Variants in BMS1 observed in about 807,000 individuals in gnomAD.
BMS1 encodes the protein ribosome biogenesis protein BMS1 homolog.
A neutral mutation model predicts 138.7 loss-of-function variants in BMS1; 53 were observed. The observed-to-expected ratio is 0.38, with a 90% CI of 0.31 to 0.48. BMS1 has a LOEUF of 0.48. Ranked by LOEUF, BMS1 falls within the 20% of genes least tolerant of loss-of-function variation. The pLI is 0.97. For synonymous variants in BMS1, 504 were observed against 539.9 expected, an observed-to-expected ratio of 0.93 and a Z score of 0.92; for missense variants, 1,360 against 1,565.5, an observed-to-expected ratio of 0.87 and a Z score of 2.22.
At chr10:42,785,370 G>A in intron 2 of BMS1, 112 bp from the exon 3 acceptor site, 1 of 817,886 alleles carries the variant, frequency 1.2e-6, no homozygotes, top group Non-Finnish European at 1.9e-6. Context: ...ATGTGCTAAA[G>A]TACTCATAGC....
chr10:42,796,427 T>A (rs375310034), intron 9 of BMS1, 47 bp from the exon 10 acceptor site: 137 of 1,543,452 alleles, frequency 8.9e-5, no homozygotes, highest in Non-Finnish European at 1.2e-4. Flanking sequence ...CTAGATTAGC[T>A]GATTAATGTA....
Position 42,784,520 on chromosome 10 carries a change from C to G in BMS1, c.126C>G (p.Pro42=). 1 of 1,613,932 alleles carries G rather than the reference C, an allele frequency of 6.2e-7. No individual in the cohort carries two copies. The highest frequency in any genetic ancestry group is 8.5e-7 in the Non-Finnish European group (1 of 1,179,842). ...AAGAAGATGCCCGGAAGAGAAATCC[C>G]AAAGCTTTTGCAGTTCAGTCTGCTG... is the stretch of plus-strand genomic sequence containing the variant. The part of the protein sequence containing the change: ...GDEEDARKRN[P]KAFAVQSAVR... Residue 42 remains proline (P), a synonymous_variant, in exon 2 of 23, where the codon CCC becomes CCG. Coordinates refer to ENST00000374518, the MANE Select transcript of BMS1 (RefSeq NM_014753.4).
chr10:42,813,755 G>A (rs977933308), intron 13 of BMS1, among the ~76,000 whole-genome samples: 1 of 151,928 alleles, frequency 6.6e-6, no homozygotes, highest in African/African-American at 2.4e-5. Context: ...TTTGTATTGT[G>A]GAAATGACAG....
At chr10:42,785,082 C>T (rs560724660) in intron 2 of BMS1, among the ~76,000 whole-genome samples, 12 of 152,310 alleles carry the variant, frequency 7.9e-5, no homozygotes, top group African/African-American at 2.9e-4. Context: ...AATCATATAA[C>T]CAGTAAGTAG....
rs1432033909 is a variant in BMS1 at position 42,834,236 on chromosome 10, A to T, written c.*3140A>T. On this transcript the variant is annotated 3_prime_UTR_variant, in exon 23 of 23. Transcript: ENST00000374518. Reference sequence around the variant, plus strand: ...TGTTTGGTTTCCTATTTGTGGATGTACTAGATTGTTTTCTTTTTTTAACAA... The same window carrying T: ...TGTTTGGTTTCCTATTTGTGGATGTTCTAGATTGTTTTCTTTTTTTAACAA... The T allele has an allele frequency of 4.8e-5, 7 of 144,626 alleles. No homozygotes were observed. The highest frequency in any genetic ancestry group is 9.1e-5 in the Non-Finnish European group (6 of 66,102). 9.0% of individuals were successfully genotyped at this position (144,626 alleles called of 1,614,324 possible). A position where few individuals can be genotyped will look rare whatever the true frequency, so the allele number is the denominator to read the frequency against.
At chr10:42,802,990 T>C (rs1241361649) in intron 13 of BMS1, among the ~76,000 whole-genome samples, 1 of 152,118 alleles carries the variant, frequency 6.6e-6, no homozygotes, top group Non-Finnish European at 1.5e-5. Context: ...TTTTTATGGA[T>C]TGCAACTGCC....
At chr10:42,820,709 C>T in intron 17 of BMS1, 21 bp downstream of exon 17, 3 of 1,608,212 alleles carry the variant, frequency 1.9e-6, no homozygotes, top group Non-Finnish European at 2.5e-6. Flanking sequence ...ATTACAATAA[C>T]TTGCCTGTTG....
intron 13 of BMS1, among the ~76,000 whole-genome samples, chr10:42,804,414 T>C (rs574530527): frequency 2.6e-5 from 4 of 152,346 alleles, no homozygotes; most frequent in African/African-American, 9.6e-5. Flanking sequence ...ATAGTATCAG[T>C]CTTTTTAAAT....
chr10:42,826,191 A>G (rs183934713), intron 21 of BMS1, among the ~76,000 whole-genome samples: 4 of 151,584 alleles, frequency 2.6e-5, no homozygotes, highest in African/African-American at 9.7e-5. Flanking sequence ...GGATGTTTGC[A>G]TCAGTGCTTA....
intron 16 of BMS1, 36 bp from the exon 17 acceptor site, chr10:42,820,472 C>T (rs1435529523): frequency 6.2e-7 from 1 of 1,611,314 alleles, no homozygotes; most frequent in East Asian, 2.2e-5. Flanking sequence ...TGTGGATTTC[C>T]CCTCCATCAA....
intron 11 of BMS1, 130 bp from the exon 12 acceptor site, chr10:42,798,338 G>T: frequency 8.7e-7 from 1 of 1,146,532 alleles, no homozygotes; most frequent in South Asian, 1.5e-5. Flanking sequence ...TGTGGCCATT[G>T]CCATACCCAC....
chr10:42,787,026 CT>C (rs1226068868), intron 3 of BMS1, 141 bp from the exon 4 acceptor site: 1 of 665,342 alleles, frequency 1.5e-6, no homozygotes, highest in Admixed American at 2.4e-5. Flanking sequence ...CAGTTTTTGC[CT>C]GTAAAAATGA....
At position 42,796,959 on chromosome 10, in the gene BMS1, C is replaced by G; in HGVS notation, c.1715C>G (p.Ala572Gly). The G allele has an allele frequency of 6.2e-7, 1 of 1,614,206 alleles. No individual in the cohort carries two copies. Among genetic ancestry groups the G allele is most frequent in the Non-Finnish European group, 8.5e-7 (1 of 1,180,036 alleles). ...NLEKSLLMKK[A>G]ALPTFDSGHC... ...GAGAAGTCTTTGCTGATGAAGAAAG[C>G]AGCTCTCCCCACTTTCGATTCTGGG... The change falls in exon 10 of 23, where the codon GCA (alanine) becomes GGA (glycine). Residue 572 changes from alanine to glycine, a missense_variant. Ala to Gly is a moderately conservative substitution (Grantham distance 60). Transcript: ENST00000374518.
At chr10:42,792,750 G>A in intron 7 of BMS1, 136 bp downstream of exon 7, 3 of 1,404,728 alleles carry the variant, frequency 2.1e-6, no homozygotes, top group South Asian at 2.8e-5. Context: ...CCACCTATGT[G>A]TAGGCCTGCA....
chr10:42,827,816 AG>A (rs1842693240), intron 21 of BMS1, among the ~76,000 whole-genome samples: 1 of 152,062 alleles, frequency 6.6e-6, no homozygotes, highest in Non-Finnish European at 1.5e-5. Context: ...TGTCTTTGTC[AG>A]GGGATGAGCG....
At chr10:42,813,507 C>T (rs545670705) in intron 13 of BMS1, among the ~76,000 whole-genome samples, 1 of 152,226 alleles carries the variant, frequency 6.6e-6, no homozygotes, top group East Asian at 1.9e-4. Flanking sequence ...GGAAACCTGC[C>T]TTGCATTTAT....
At position 42,792,524 on chromosome 10, in the gene BMS1, C is replaced by T. The variant is rs747828991; in HGVS notation, c.811C>T (p.Arg271Ter). Residue 271 changes from arginine (R) to a stop codon, truncating the protein, a stop_gained, in exon 7 of 23, where the codon CGA becomes TGA. Transcript: ENST00000374518. LOFTEE classifies it high-confidence loss of function. ...MEDLTNPEDI[R>*]TNIKCDRKVS... ...AGATTTGACAAACCCAGAGGATATCCGAACAAACATCAAATGTGACCGGAA... is the reference window on the plus strand; with the variant it reads ...AGATTTGACAAACCCAGAGGATATCTGAACAAACATCAAATGTGACCGGAA... The T allele has an allele frequency of 4.3e-6, 7 of 1,611,656 alleles. No individual in the cohort carries two copies. The highest frequency in any genetic ancestry group is 5.9e-6 in the Non-Finnish European group (7 of 1,179,732).
intron 11 of BMS1, 46 bp from the exon 12 acceptor site, chr10:42,798,422 G>A: frequency 6.2e-7 from 1 of 1,612,052 alleles, no homozygotes; most frequent in Non-Finnish European, 8.5e-7. Context: ...AGTCCTCTAG[G>A]GCTGTAATTT....
At chr10:42,829,289 C>T (rs542515218) in intron 21 of BMS1, among the ~76,000 whole-genome samples, 7 of 151,862 alleles carry the variant, frequency 4.6e-5, no homozygotes, top group East Asian at 1.9e-4. Context: ...CTAGCCTGGG[C>T]GACAGAGCGA....
Sources: allele counts gnomAD v4.1 joint callset (sites outside exome capture counted in the v4.1 genomes callset), GRCh38; gene constraint gnomAD v4.1.1; transcripts MANE v1.5; gene names NCBI Gene and HGNC (gene_info 2026-07-23, HGNC 2026-07-21).